The following ALOX5 variants were observed in gnomAD, a reference collection of about 807,000 sequenced individuals.
ALOX5 encodes the protein polyunsaturated fatty acid 5-lipoxygenase.
A neutral mutation model predicts 87.9 loss-of-function variants in ALOX5; 64 were observed. That is an observed-to-expected ratio of 0.73 (90% CI 0.60 to 0.90). ALOX5 has a LOEUF of 0.90. ALOX5 is among the 40% of genes least tolerant of loss of function. ALOX5 has a pLI of 0.00. For synonymous variants in ALOX5, 388 were observed against 355.1 expected, an observed-to-expected ratio of 1.09 and a Z score of -1.04; for missense variants, 822 against 907.5, an observed-to-expected ratio of 0.91 and a Z score of 1.21.
At chr10:45,404,690 C>G (rs940596473) in intron 3 of ALOX5, among the ~76,000 whole-genome samples, 1 of 152,214 alleles carries the variant, frequency 6.6e-6, no homozygotes, top group Non-Finnish European at 1.5e-5. Flanking sequence ...GATGGGCAGG[C>G]GGGCTGTCTT....
rs528880325 is a variant in ALOX5, at chr10:45,412,121, C to T, written c.432-70C>T. 196 of 1,590,124 alleles carry T rather than the reference C, an allele frequency of 1.2e-4. 1 individual carries two copies. The African/African-American group carries it at 2.0e-3, about 17-fold the overall frequency. On this transcript the variant is annotated intron_variant, in intron 3 of 13. Coordinates refer to ENST00000374391, the MANE Select transcript of ALOX5 (RefSeq NM_000698.5). Reference sequence around the variant, plus strand: ...GTGTAACATCGTCTGACAGTGTGGGCGGCCCTCAGCTGAGGGGGCAGACCA... The same window carrying T: ...GTGTAACATCGTCTGACAGTGTGGGTGGCCCTCAGCTGAGGGGGCAGACCA...
At chr10:45,443,979 C>A in intron 12 of ALOX5, 137 bp from the exon 13 acceptor site, 1 of 1,429,628 alleles carries the variant, frequency 7.0e-7, no homozygotes, top group Non-Finnish European at 9.3e-7. Flanking sequence ...CAGCCAAGGG[C>A]GCTGGCCGCG....
rs1203647150 is a variant in ALOX5 at position 45,425,452 on chromosome 10, C to T, written c.834+320C>T. On this transcript the variant is annotated intron_variant, in intron 6 of 13. Transcript: ENST00000374391. The surrounding 1 kb of genome is among the most constrained non-coding windows in gnomAD (Gnocchi z 4.4). ...GATTAGGGGCCTGTGGTGGGACAGGCATTGTGACAGGTGCTTTACACACAA... is the reference window on the plus strand; with the variant it reads ...GATTAGGGGCCTGTGGTGGGACAGGTATTGTGACAGGTGCTTTACACACAA... 6.6e-6 allele frequency among the ~76,000 whole-genome samples: 1 copy of T among 152,176 alleles called. No homozygotes were observed. Among genetic ancestry groups the T allele is most frequent in the African/African-American group, 2.4e-5 (1 of 41,434 alleles).
At chr10:45,399,704 A>C (rs557381746) in intron 3 of ALOX5, among the ~76,000 whole-genome samples, 2 of 152,362 alleles carry the variant, frequency 1.3e-5, no homozygotes, top group East Asian at 3.9e-4. Flanking sequence ...GTGAAAAGAC[A>C]ATCCACAGAA....
rs986600875 is a variant in ALOX5, at chr10:45,443,409, G to A, written c.1452-7G>A. 1.2e-6 allele frequency: 2 copies of A among 1,600,846 alleles called. No individual in the cohort carries two copies. The highest frequency in any genetic ancestry group is 8.5e-7 in the Non-Finnish European group (1 of 1,174,018). On this transcript the variant is annotated splice_region_variant and splice_polypyrimidine_tract_variant and intron_variant, in intron 10 of 13. Coordinates refer to ENST00000374391, the MANE Select transcript of ALOX5 (RefSeq NM_000698.5). ...GTCGCCCACCCCGGCTGCGCCCCCT[G>A]AGCCAGGTTCACGGCCGAGGTGGTA... is the stretch of plus-strand genomic sequence containing the variant.
intron 1 of ALOX5, among the ~76,000 whole-genome samples, chr10:45,381,289 G>A (rs929716177): frequency 6.6e-6 from 1 of 152,250 alleles, no homozygotes; most frequent in African/African-American, 2.4e-5. Flanking sequence ...ACTGTTCTCT[G>A]GGCATCACCA....
chr10:45,401,759 G>A (rs1391189841), intron 3 of ALOX5, among the ~76,000 whole-genome samples: 3 of 152,084 alleles, frequency 2.0e-5, no homozygotes, highest in Non-Finnish European at 4.4e-5. Flanking sequence ...ATTTTCCTAG[G>A]ACAGATGCCC....
At chr10:45,385,605 C>T (rs1187409318) in intron 2 of ALOX5, among the ~76,000 whole-genome samples, 1 of 152,136 alleles carries the variant, frequency 6.6e-6, no homozygotes, top group Non-Finnish European at 1.5e-5. Flanking sequence ...TCAAGGTGCC[C>T]AAGAGATTAG....
chr10:45,398,169 T>G (rs1840578942), intron 3 of ALOX5, among the ~76,000 whole-genome samples: 1 of 152,204 alleles, frequency 6.6e-6, no homozygotes, highest in South Asian at 2.1e-4. Flanking sequence ...GAAATAGACT[T>G]GAGAGTCCAG....
intron 2 of ALOX5, among the ~76,000 whole-genome samples, chr10:45,392,571 G>A (rs189816197): frequency 0.067 from 10,202 of 151,908 alleles, 467 homozygotes; most frequent in East Asian, 0.18. Context: ...CAAACACTGC[G>A]GATGGCCGCA....
chr10:45,379,258 G>A lies in ALOX5; in HGVS notation c.151-3225G>A, dbSNP rs1839743649. 4.0e-5 allele frequency among the ~76,000 whole-genome samples: 6 copies of A among 151,682 alleles called. No individual in the cohort carries two copies. In the South Asian group the frequency reaches 1.2e-3, roughly 32 times the overall value. ...CCTCCCACCCCACCCCAGCTTTCCT[G>A]TCATCTATCCCCTGGGGACACCTTC... is the stretch of plus-strand genomic sequence containing the variant. On this transcript the variant is annotated intron_variant, in intron 1 of 13. Coordinates refer to ENST00000374391, the MANE Select transcript of ALOX5 (RefSeq NM_000698.5).
intron 2 of ALOX5, among the ~76,000 whole-genome samples, chr10:45,383,352 G>C (rs11239501): frequency 6.6e-6 from 1 of 152,188 alleles, no homozygotes; most frequent in Admixed American, 6.5e-5. Context: ...CATCAGAGAC[G>C]GACGCAGGCG....
intron 3 of ALOX5, among the ~76,000 whole-genome samples, chr10:45,405,451 C>T (rs1338717591): frequency 1.3e-5 from 2 of 152,070 alleles, no homozygotes; most frequent in Non-Finnish European, 2.9e-5. Context: ...AGCTTTTTTT[C>T]CCTATTGTTC....
intron 9 of ALOX5, 172 bp from the exon 10 acceptor site, chr10:45,442,866 C>A: frequency 3.0e-6 from 2 of 676,688 alleles, no homozygotes; most frequent in South Asian, 4.0e-5. Context: ...CCTCTCCACC[C>A]GGCTGCCCTT....
At chr10:45,404,486 C>T (rs992734220) in intron 3 of ALOX5, among the ~76,000 whole-genome samples, 2 of 152,344 alleles carry the variant, frequency 1.3e-5, no homozygotes, top group Non-Finnish European at 1.5e-5. Flanking sequence ...CACTCACACA[C>T]AGCAGTAAAT....
In ALOX5 at chr10:45,412,381, C is replaced by T. The variant is rs988322914; in HGVS notation, c.554+68C>T. The T allele has an allele frequency of 1.5e-5, 23 of 1,584,468 alleles. No individual in the cohort carries two copies. In the African/African-American group the frequency reaches 3.0e-4, roughly 20 times the overall value. ...TGGCTGGTGCTGGGGGTGGAACCCT[C>T]ACTCCTTTCCTCATGGGGTCCTTGG... On this transcript the variant is annotated intron_variant, in intron 4 of 13. Coordinates refer to ENST00000374391, the MANE Select transcript of ALOX5 (RefSeq NM_000698.5).
chr10:45,374,608 A>G (rs1282888606), intron 1 of ALOX5, among the ~76,000 whole-genome samples, 179 bp downstream of exon 1: 3 of 152,122 alleles, frequency 2.0e-5, no homozygotes, highest in Non-Finnish European at 2.9e-5. Flanking sequence ...CTGGGCTCCC[A>G]GTGGCCGGTG....
At chr10:45,382,249 T>C (rs1233497533) in intron 1 of ALOX5, among the ~76,000 whole-genome samples, 1 of 152,090 alleles carries the variant, frequency 6.6e-6, no homozygotes, top group African/African-American at 2.4e-5. Context: ...ATGAAAAGAG[T>C]GTTACTTTCC....
intron 4 of ALOX5, among the ~76,000 whole-genome samples, chr10:45,419,249 G>GCGGGCGGAGAGCAGAC (rs1467090535): frequency 6.6e-6 from 1 of 152,240 alleles, no homozygotes; most frequent in Non-Finnish European, 1.5e-5. Flanking sequence ...GCGAGCGCAG[G>GCGGGCGGAGAGCAGAC]CGGGCGGAGA....
Sources: allele counts gnomAD v4.1 joint callset (sites outside exome capture counted in the v4.1 genomes callset), GRCh38; gene constraint gnomAD v4.1.1; non-coding constraint Gnocchi (gnomAD v3.1); transcripts MANE v1.5; gene names NCBI Gene and HGNC (gene_info 2026-07-23, HGNC 2026-07-21).